Variants in CACNA2D3 observed in about 807,000 individuals in gnomAD.
CACNA2D3 encodes calcium voltage-gated channel auxiliary subunit alpha2delta 3, also known as voltage-dependent calcium channel subunit alpha-2/delta-3.
In CACNA2D3, 60 loss-of-function variants were observed where a neutral mutation model predicts 160.6. The observed-to-expected ratio is 0.37, with a 90% CI of 0.30 to 0.46. CACNA2D3 has a LOEUF of 0.46. Among genes scored for constraint, CACNA2D3 ranks in the 20% least tolerant of loss-of-function variants. CACNA2D3 has a pLI of 1.00. For synonymous variants in CACNA2D3, 558 were observed against 492.9 expected, an observed-to-expected ratio of 1.13 and a Z score of -1.75; for missense variants, 1,205 against 1,365.0, an observed-to-expected ratio of 0.88 and a Z score of 1.85.
At chr3:54,290,215 A>G (rs977835744) in intron 2 of CACNA2D3, among the ~76,000 whole-genome samples, 1 of 152,216 alleles carries the variant, frequency 6.6e-6, no homozygotes, top group Non-Finnish European at 1.5e-5. Context: ...TTTACAAGAA[A>G]AAAACAAACA....
intron 5 of CACNA2D3, 86 bp from the exon 6 acceptor site, chr3:54,562,714 G>A (rs1278278218): frequency 1.7e-6 from 2 of 1,178,960 alleles, no homozygotes; most frequent in South Asian, 1.4e-5. Context: ...CCTTGTGCCA[G>A]TATCTGCCAA....
chr3:54,752,731 A>AT (rs1435882718), intron 12 of CACNA2D3, 54 bp downstream of exon 12: 1 of 1,253,962 alleles, frequency 8.0e-7, no homozygotes, highest in Admixed American at 1.9e-5. Context: ...CTTGTGCAGA[A>AT]TTAGGAATAT....
intron 5 of CACNA2D3, among the ~76,000 whole-genome samples, chr3:54,548,320 T>A (rs1702097807): frequency 2.0e-5 from 3 of 152,264 alleles, no homozygotes; most frequent in Admixed American, 2.0e-4. Context: ...TTAGATGTGT[T>A]GGTTAAAATT....
At chr3:54,724,519 T>A (rs568815639) in intron 11 of CACNA2D3, among the ~76,000 whole-genome samples, 1 of 152,232 alleles carries the variant, frequency 6.6e-6, no homozygotes, top group Non-Finnish European at 1.5e-5. Context: ...TAATTGGAAG[T>A]AAAACACTCC....
At chr3:55,039,132 A>G (rs1295054989) in intron 35 of CACNA2D3, among the ~76,000 whole-genome samples, 3 of 151,974 alleles carry the variant, frequency 2.0e-5, no homozygotes, top group African/African-American at 4.8e-5. Flanking sequence ...CGCAAAATAC[A>G]TTTCTTGAAA....
chr3:54,277,240 C>T (rs1377819938), intron 2 of CACNA2D3, among the ~76,000 whole-genome samples: 1 of 152,196 alleles, frequency 6.6e-6, no homozygotes, highest in Non-Finnish European at 1.5e-5. Flanking sequence ...AGGTTTTCTT[C>T]TAGGGTTTTT....
At chr3:54,805,793 A>G (rs1361254363) in intron 13 of CACNA2D3, among the ~76,000 whole-genome samples, 1 of 152,224 alleles carries the variant, frequency 6.6e-6, no homozygotes, top group Non-Finnish European at 1.5e-5. Context: ...CATTGATGCA[A>G]ATATCCTCAA....
chr3:54,557,600 G>A (rs540825465), intron 5 of CACNA2D3, among the ~76,000 whole-genome samples: 2 of 152,328 alleles, frequency 1.3e-5, no homozygotes, highest in African/African-American at 4.8e-5. Flanking sequence ...AGGTTTTTAT[G>A]ACGCCGACAT....
intron 2 of CACNA2D3, among the ~76,000 whole-genome samples, chr3:54,259,068 C>T (rs11715046): frequency 0.17 from 25,136 of 152,222 alleles, 2,364 homozygotes; most frequent in Middle Eastern, 0.22. Flanking sequence ...GTCCCATAAG[C>T]TTCAGCCACA....
At chr3:54,691,720 G>C (rs1249566903) in intron 11 of CACNA2D3, among the ~76,000 whole-genome samples, 1 of 152,162 alleles carries the variant, frequency 6.6e-6, no homozygotes, top group Non-Finnish European at 1.5e-5. Flanking sequence ...GGGCCTATGT[G>C]AGTGAGGATG....
At chr3:54,809,747 C>G (rs973538517) in intron 13 of CACNA2D3, among the ~76,000 whole-genome samples, 1 of 150,776 alleles carries the variant, frequency 6.6e-6, no homozygotes, top group Non-Finnish European at 1.5e-5. Context: ...TTTTCTCTCC[C>G]TCCCTCCCTG....
intron 35 of CACNA2D3, among the ~76,000 whole-genome samples, chr3:55,043,950 A>G (rs978618959): frequency 5.3e-5 from 8 of 152,142 alleles, no homozygotes; most frequent in African/African-American, 1.7e-4. Context: ...CTGATTGAAC[A>G]CATTTTAATT....
intron 11 of CACNA2D3, among the ~76,000 whole-genome samples, chr3:54,724,903 A>G (rs1193670996): frequency 6.6e-6 from 1 of 152,224 alleles, no homozygotes; most frequent in Non-Finnish European, 1.5e-5. Context: ...AGAAGACAGG[A>G]TAGAATTAAG....
intron 2 of CACNA2D3, among the ~76,000 whole-genome samples, chr3:54,241,727 G>C (rs573070049): frequency 6.6e-6 from 1 of 152,336 alleles, no homozygotes; most frequent in African/African-American, 2.4e-5. Flanking sequence ...GTGTAGGATA[G>C]GGATTAAGAG....
At chr3:54,756,235 C>T (rs1470771760) in intron 12 of CACNA2D3, among the ~76,000 whole-genome samples, 3 of 152,128 alleles carry the variant, frequency 2.0e-5, no homozygotes, top group African/African-American at 4.8e-5. Flanking sequence ...GTCAGCCCTT[C>T]TTGATCGTTT....
At chr3:54,330,860 G>C (rs1458987319) in intron 3 of CACNA2D3, among the ~76,000 whole-genome samples, 1 of 152,214 alleles carries the variant, frequency 6.6e-6, no homozygotes, top group Non-Finnish European at 1.5e-5. Context: ...TGCAGTCACT[G>C]TGGCCATGGT....
intron 17 of CACNA2D3, among the ~76,000 whole-genome samples, chr3:54,864,875 C>T (rs569718796): frequency 6.6e-6 from 1 of 152,286 alleles, no homozygotes; most frequent in East Asian, 1.9e-4. Context: ...GCCTGTCAGC[C>T]ATGTCACCAC....
chr3:54,537,642 A>G lies in CACNA2D3; in HGVS notation c.545-25158A>G, dbSNP rs138664962. On this transcript the variant is annotated intron_variant, in intron 5 of 37. Transcript: ENST00000474759. ...GGTCACAGTGGGAAGAAGACATGGG[A>G]TGCCACATTTTACAGGGAATCAGAG... 8.3e-4 allele frequency among the ~76,000 whole-genome samples: 126 copies of G among 152,232 alleles called. No homozygotes were observed. In the Middle Eastern group the frequency reaches 0.02, roughly 25 times the overall value.
chr3:54,713,934 C>T (rs1701001126), intron 11 of CACNA2D3, among the ~76,000 whole-genome samples: 1 of 151,824 alleles, frequency 6.6e-6, no homozygotes, highest in African/African-American at 2.4e-5. Flanking sequence ...GAGAATGTAG[C>T]CATTGTTCAA....
Sources: gnomAD v4.1 joint callset for allele counts (sites outside exome capture counted in the v4.1 genomes callset) on GRCh38, gnomAD v4.1.1 for gene constraint, MANE v1.5 for transcripts, NCBI Gene and HGNC (gene_info 2026-07-23, HGNC 2026-07-21) for gene names.